The following IMMP2L variants were observed in gnomAD, a reference collection of about 807,000 sequenced individuals.
The protein encoded by IMMP2L is mitochondrial inner membrane protease subunit 2.
A neutral mutation model predicts 19.3 loss-of-function variants in IMMP2L; 18 were observed. The observed-to-expected ratio is 0.93, with a 90% CI of 0.64 to 1.38. The LOEUF (loss-of-function observed/expected upper bound fraction) is 1.38. Ranked by LOEUF, IMMP2L falls within the 40% of genes most tolerant of loss-of-function variation. The pLI is 0.00. For synonymous variants in IMMP2L, 76 were observed against 73.0 expected (o/e 1.04, Z -0.21); for missense variants, 233 against 218.2 (o/e 1.07, Z -0.43).
intron 5 of IMMP2L, among the ~76,000 whole-genome samples, chr7:110,724,803 T>A (rs1214683795): frequency 6.6e-6 from 1 of 152,130 alleles, no homozygotes; most frequent in Non-Finnish European, 1.5e-5. Flanking sequence ...AAACCTCCCC[T>A]CATCAATAAT....
chr7:110,701,594 T>A (rs1794292786), intron 5 of IMMP2L, among the ~76,000 whole-genome samples: 1 of 152,118 alleles, frequency 6.6e-6, no homozygotes, highest in African/African-American at 2.4e-5. Context: ...CTAATTTTTT[T>A]ATATTTTATT....
In IMMP2L at chr7:110,683,463, T is replaced by C. The variant is rs78452008; in HGVS notation, c.409-19742A>G. Among the ~76,000 whole-genome samples, 43 of 152,268 alleles carry C rather than the reference T, an allele frequency of 2.8e-4. No individual in the cohort carries two copies. In the East Asian group the frequency reaches 7.9e-3, roughly 28 times the overall value. ...ACCAAAAGTGGCTAATATGTATCAT[T>C]TCTGATAAATAATTGTAAAGCTTTT... On this transcript the variant is annotated intron_variant, in intron 5 of 5. Coordinates refer to ENST00000405709, the MANE Select transcript of IMMP2L (RefSeq NM_032549.4).
At chr7:111,187,979 G>C (rs1490182149) in intron 3 of IMMP2L, among the ~76,000 whole-genome samples, 2 of 151,848 alleles carry the variant, frequency 1.3e-5, no homozygotes, top group Admixed American at 1.3e-4. Context: ...TTAAAGGAGG[G>C]CATGGGGATA....
intron 3 of IMMP2L, among the ~76,000 whole-genome samples, chr7:111,004,266 C>T (rs934135887): frequency 6.6e-6 from 1 of 152,126 alleles, no homozygotes; most frequent in African/African-American, 2.4e-5. Context: ...CAGCCTTGAA[C>T]TCCTGGGCTC....
At chr7:110,735,846 C>CAAAAAAAA (rs59078426) in intron 5 of IMMP2L, among the ~76,000 whole-genome samples, 1 of 47,626 alleles carries the variant, frequency 2.1e-5, no homozygotes, top group Non-Finnish European at 3.7e-5. Context: ...CACTCTGCCT[C>CAAAAAAAA]AAAAAAAAAA....
chr7:110,673,774 T>C (rs1401247532), intron 5 of IMMP2L, among the ~76,000 whole-genome samples: 1 of 152,146 alleles, frequency 6.6e-6, no homozygotes, highest in Non-Finnish European at 1.5e-5. Flanking sequence ...GATTTTATTG[T>C]CCATATCACT....
intron 2 of IMMP2L, among the ~76,000 whole-genome samples, chr7:111,496,449 G>A (rs28661812): frequency 0.02 from 3,057 of 152,238 alleles, 107 homozygotes; most frequent in African/African-American, 0.069. Context: ...GTATATCTGT[G>A]AGGGAGTGTT....
chr7:110,831,245 C>T (rs1460131271), intron 5 of IMMP2L, among the ~76,000 whole-genome samples: 1 of 152,128 alleles, frequency 6.6e-6, no homozygotes, highest in African/African-American at 2.4e-5. Flanking sequence ...CTTTCTTCTG[C>T]CTCCATCTTC....
At chr7:111,089,919 A>G (rs1175714139) in intron 3 of IMMP2L, among the ~76,000 whole-genome samples, 1 of 152,018 alleles carries the variant, frequency 6.6e-6, no homozygotes, top group East Asian at 1.9e-4. Context: ...ATGTCATGTC[A>G]ATAAGCACTT....
At chr7:111,003,039 C>T (rs536634582) in intron 3 of IMMP2L, among the ~76,000 whole-genome samples, 59 of 152,220 alleles carry the variant, frequency 3.9e-4, no homozygotes, top group Non-Finnish European at 7.5e-4. Context: ...TAGATATTGT[C>T]ACTAGAACCC....
intron 3 of IMMP2L, among the ~76,000 whole-genome samples, chr7:111,467,357 T>C (rs987801633): frequency 1.3e-5 from 2 of 152,214 alleles, no homozygotes; most frequent in Admixed American, 1.3e-4. Flanking sequence ...AAATTTCCAA[T>C]TCTATATACA....
chr7:111,479,048 C>A (rs1275098981), intron 3 of IMMP2L, among the ~76,000 whole-genome samples: 1 of 152,252 alleles, frequency 6.6e-6, no homozygotes, highest in South Asian at 2.1e-4. Context: ...GATATAGCCC[C>A]ACAAGAATTC....
intron 3 of IMMP2L, among the ~76,000 whole-genome samples, chr7:111,398,695 G>A (rs1833118315): frequency 6.6e-6 from 1 of 151,966 alleles, no homozygotes; most frequent in South Asian, 2.1e-4. Context: ...GTCACTGTTT[G>A]CTGAAAACAT....
chr7:111,542,281 A>T (rs1848564835), intron 1 of IMMP2L, among the ~76,000 whole-genome samples: 1 of 152,168 alleles, frequency 6.6e-6, no homozygotes, highest in African/African-American at 2.4e-5. Flanking sequence ...TTTTATTGTG[A>T]AACTAATAAA....
intron 3 of IMMP2L, among the ~76,000 whole-genome samples, chr7:111,404,928 T>G (rs968136967): frequency 1.3e-5 from 2 of 152,038 alleles, no homozygotes; most frequent in African/African-American, 2.4e-5. Context: ...GTTCCTTAAT[T>G]CCTACTTCAC....
chr7:111,505,947 G>A (rs192821467), intron 2 of IMMP2L, among the ~76,000 whole-genome samples: 1,625 of 152,098 alleles, frequency 0.011, 17 homozygotes, highest in Non-Finnish European at 0.015. Flanking sequence ...TTGTGCACAT[G>A]TACCCTAAAA....
At chr7:110,732,934 TACC>T (rs1796369125) in intron 5 of IMMP2L, among the ~76,000 whole-genome samples, 2 of 152,022 alleles carry the variant, frequency 1.3e-5, no homozygotes, top group African/African-American at 4.8e-5. Context: ...TATAGGCACC[TACC>T]ACCACATCTG....
intron 1 of IMMP2L, among the ~76,000 whole-genome samples, chr7:111,542,480 G>A (rs1057088000): frequency 1.3e-5 from 2 of 151,956 alleles, no homozygotes; most frequent in African/African-American, 4.8e-5. Context: ...ATCTTCCCAA[G>A]GTCAAAGAAA....
intron 3 of IMMP2L, among the ~76,000 whole-genome samples, chr7:110,984,199 AAC>A (rs1821613131): frequency 6.6e-6 from 1 of 152,016 alleles, no homozygotes; most frequent in African/African-American, 2.4e-5. Context: ...TTTAGAAAGA[AAC>A]AGAGACAAAA....
Sources: gnomAD v4.1 joint callset for allele counts (sites outside exome capture counted in the v4.1 genomes callset) on GRCh38, gnomAD v4.1.1 for gene constraint, MANE v1.5 for transcripts, NCBI Gene and HGNC (gene_info 2026-07-23, HGNC 2026-07-21) for gene names.